The following AGBL1 variants were observed in gnomAD, a reference collection of about 807,000 sequenced individuals.
The protein encoded by AGBL1 is cytosolic carboxypeptidase 4.
Under a neutral mutation model 118.9 loss-of-function variants are expected in AGBL1, and 130 were observed. The observed-to-expected ratio is 1.09, with a 90% CI of 0.95 to 1.26. The LOEUF (loss-of-function observed/expected upper bound fraction) is 1.26. Ranked by LOEUF, AGBL1 falls within the 50% of genes most tolerant of loss-of-function variation. AGBL1 has a pLI of 0.00. For synonymous variants in AGBL1, 555 were observed against 478.9 expected (o/e 1.16, Z -2.08); for missense variants, 1,584 against 1,298.1 (o/e 1.22, Z -3.38).
chr15:86,761,845 A>T (rs1171295205), intron 22 of AGBL1, among the ~76,000 whole-genome samples: 1 of 151,988 alleles, frequency 6.6e-6, no homozygotes, highest in Non-Finnish European at 1.5e-5. Flanking sequence ...TAATAACATC[A>T]CATTTGTCAA....
At chr15:86,211,216 C>G (rs2078091614) in intron 5 of AGBL1, among the ~76,000 whole-genome samples, 1 of 152,154 alleles carries the variant, frequency 6.6e-6, no homozygotes, top group African/African-American at 2.4e-5. Context: ...AAACTTTGTC[C>G]CATAGGGGCA....
At chr15:86,973,448 A>G (rs934475630) in intron 23 of AGBL1, among the ~76,000 whole-genome samples, 11 of 151,998 alleles carry the variant, frequency 7.2e-5, no homozygotes, top group African/African-American at 2.6e-4. Context: ...GTCATTTCCA[A>G]GTCACTCAGT....
chr15:86,478,389 G>A (rs2082594544), intron 18 of AGBL1, among the ~76,000 whole-genome samples: 1 of 152,132 alleles, frequency 6.6e-6, no homozygotes, highest in African/African-American at 2.4e-5. Flanking sequence ...CAAAGTCTCA[G>A]GATACAAAAT....
At chr15:86,257,730 C>A (rs893372412) in intron 8 of AGBL1, among the ~76,000 whole-genome samples, 1 of 152,182 alleles carries the variant, frequency 6.6e-6, no homozygotes, top group African/African-American at 2.4e-5. Context: ...ACTTATTTTG[C>A]ATTCAATGTG....
At chr15:86,169,285 T>G (rs535665668) in intron 5 of AGBL1, among the ~76,000 whole-genome samples, 28 of 152,346 alleles carry the variant, frequency 1.8e-4, no homozygotes, top group Middle Eastern at 3.4e-3. Flanking sequence ...TAGCTGGATA[T>G]GCAAGCGTAC....
chr15:86,407,286 C>G (rs1365959430), intron 18 of AGBL1, among the ~76,000 whole-genome samples: 1 of 152,104 alleles, frequency 6.6e-6, no homozygotes, highest in Non-Finnish European at 1.5e-5. Flanking sequence ...AGGTCAGTCC[C>G]GTGTCTAATA....
At chr15:86,421,904 TC>T (rs2081796367) in intron 18 of AGBL1, among the ~76,000 whole-genome samples, 1 of 152,164 alleles carries the variant, frequency 6.6e-6, no homozygotes, top group Non-Finnish European at 1.5e-5. Flanking sequence ...GAGCTAACTG[TC>T]TTAAATTTAT....
chr15:86,137,580 T>C (rs1322279168), intron 1 of AGBL1, among the ~76,000 whole-genome samples: 2 of 152,182 alleles, frequency 1.3e-5, no homozygotes, highest in African/African-American at 4.8e-5. Context: ...ACAGGAAATA[T>C]TTTTTGTGTT....
At chr15:86,430,066 C>T (rs111864426) in intron 18 of AGBL1, among the ~76,000 whole-genome samples, 5 of 152,230 alleles carry the variant, frequency 3.3e-5, no homozygotes, top group African/African-American at 7.2e-5. Context: ...ATCAAAGCAT[C>T]GTATCAATGT....
intron 22 of AGBL1, among the ~76,000 whole-genome samples, chr15:86,740,067 A>AT (rs555140121): frequency 1.9e-4 from 29 of 151,982 alleles, no homozygotes; most frequent in Non-Finnish European, 2.2e-4. Flanking sequence ...GAGGCAATAC[A>AT]TTTTTTTTTA....
At chr15:86,598,213 A>G (rs1487091396) in intron 21 of AGBL1, among the ~76,000 whole-genome samples, 5 of 152,268 alleles carry the variant, frequency 3.3e-5, no homozygotes, top group Middle Eastern at 3.4e-3. Context: ...TAGTTATATC[A>G]TCATGGTAAT....
At chr15:86,581,853 T>G (rs555906817) in intron 21 of AGBL1, among the ~76,000 whole-genome samples, 1 of 152,214 alleles carries the variant, frequency 6.6e-6, no homozygotes, top group South Asian at 2.1e-4. Flanking sequence ...GCCAAACCCC[T>G]CTCTTCATCA....
At chr15:86,176,509 G>A (rs895376313) in intron 5 of AGBL1, among the ~76,000 whole-genome samples, 1 of 152,222 alleles carries the variant, frequency 6.6e-6, no homozygotes, top group East Asian at 1.9e-4. Flanking sequence ...CTTCCCTGGT[G>A]CACTGCACTG....
intron 21 of AGBL1, among the ~76,000 whole-genome samples, chr15:86,599,272 C>T (rs1776649578): frequency 6.6e-6 from 1 of 151,988 alleles, no homozygotes; most frequent in Non-Finnish European, 1.5e-5. Context: ...TGTTTTTCCC[C>T]TAAAAATTTG....
At chr15:87,004,215 C>T (rs951280769) in intron 24 of AGBL1, among the ~76,000 whole-genome samples, 8 of 152,212 alleles carry the variant, frequency 5.3e-5, no homozygotes, top group Admixed American at 2.0e-4. Context: ...GCCTTCATTT[C>T]GTTATATACC....
rs146570281 is a variant in AGBL1, at chr15:86,467,235, G to A, written c.2556-55575G>A. Among the ~76,000 whole-genome samples the A allele has an allele frequency of 6.8e-4, 104 of 152,214 alleles. No homozygotes were observed. In the East Asian group the frequency reaches 0.018, roughly 26 times the overall value. ...GCTTTGGAGAGCTGTGGTGGGCTCC[G>A]CCCAGTCCGAACTTCCTGATGGCTT... On this transcript the variant is annotated intron_variant, in intron 18 of 22. Coordinates refer to ENST00000614907, the MANE Select transcript of AGBL1 (RefSeq NM_001386094.1).
At chr15:86,766,462 C>T (rs1028915731) in intron 22 of AGBL1, among the ~76,000 whole-genome samples, 1 of 151,874 alleles carries the variant, frequency 6.6e-6, no homozygotes, top group South Asian at 2.1e-4. Flanking sequence ...TTGATGTTAT[C>T]ATTAAACTCA....
At chr15:86,466,096 A>G (rs1328062775) in intron 18 of AGBL1, among the ~76,000 whole-genome samples, 1 of 152,202 alleles carries the variant, frequency 6.6e-6, no homozygotes, top group Non-Finnish European at 1.5e-5. Flanking sequence ...ACACTTAGGG[A>G]AAATAGAAAA....
At chr15:86,862,579 G>T (rs1313851794) in intron 22 of AGBL1, among the ~76,000 whole-genome samples, 1 of 152,074 alleles carries the variant, frequency 6.6e-6, no homozygotes, top group Admixed American at 6.6e-5. Flanking sequence ...AAATTAGCCG[G>T]GCGTGATGAC....
Sources: gnomAD v4.1 joint callset for allele counts (sites outside exome capture counted in the v4.1 genomes callset) on GRCh38, gnomAD v4.1.1 for gene constraint, MANE v1.5 for transcripts, NCBI Gene and HGNC (gene_info 2026-07-23, HGNC 2026-07-21) for gene names.